Variants in ATP8A2 observed in about 807,000 individuals in gnomAD.
ATP8A2 encodes ATPase phospholipid transporting 8A2, also known as phospholipid-transporting ATPase IB.
ATP8A2 carries 100 observed loss-of-function variants against 165.6 expected under a neutral mutation model. The observed-to-expected ratio is 0.60, with a 90% CI of 0.51 to 0.71. The LOEUF is 0.71. ATP8A2 is among the 30% of genes least tolerant of loss of function. The pLI is 0.00. For missense variants in ATP8A2, 1,227 were observed against 1,479.5 expected (o/e 0.83, Z 2.80); for synonymous variants, 543 against 548.8 (o/e 0.99, Z 0.15).
At chr13:25,934,653 G>A (rs552999182) in intron 33 of ATP8A2, among the ~76,000 whole-genome samples, 64 of 152,282 alleles carry the variant, frequency 4.2e-4, no homozygotes, top group Non-Finnish European at 6.8e-4. Flanking sequence ...ACAACAAATG[G>A]TGGCTCTAGA....
intron 35 of ATP8A2, among the ~76,000 whole-genome samples, chr13:25,994,058 C>T (rs977658795): frequency 6.6e-6 from 1 of 152,036 alleles, no homozygotes; most frequent in African/African-American, 2.4e-5. Flanking sequence ...AAATGTTTTG[C>T]TCTGTTTGCG....
At chr13:25,554,527 G>GTC (rs1456683771) in intron 12 of ATP8A2, among the ~76,000 whole-genome samples, 1 of 53,946 alleles carries the variant, frequency 1.9e-5, no homozygotes. Context: ...GTGTGTGTGT[G>GTC]TATGTGTGTG....
intron 27 of ATP8A2, among the ~76,000 whole-genome samples, chr13:25,782,515 A>G (rs1038646071): frequency 1.3e-5 from 2 of 152,172 alleles, no homozygotes; most frequent in Non-Finnish European, 2.9e-5. Context: ...AGGTGAGTAC[A>G]GTCATCCCTT....
intron 1 of ATP8A2, among the ~76,000 whole-genome samples, chr13:25,407,236 T>C (rs768929896): frequency 1.9e-4 from 29 of 152,304 alleles, no homozygotes; most frequent in Non-Finnish European, 4.0e-4. Context: ...GCTGTGCAGT[T>C]TGGGGGAGGC....
Position 25,555,031 on chromosome 13 carries a change from T to C in ATP8A2, c.1226T>C (p.Met409Thr). ...TATATAGGAAATGACACTCCTGCCA[T>C]GGCCAGGACATCAAACCTTAATGAA... ...MYYIGNDTPAMARTSNLNEEL... is the reference protein window; with the variant it reads ...MYYIGNDTPATARTSNLNEEL... The change falls in exon 13 of 37, where the codon ATG becomes ACG. Residue 409 changes from methionine to threonine, a missense_variant. Met to Thr is a moderately conservative substitution (Grantham distance 81). Around this residue, in one of 5 missense-constraint regions of ATP8A2, gnomAD observed 592 missense variants for 785.6 expected, o/e 0.75. Coordinates refer to ENST00000381655, the MANE Select transcript of ATP8A2 (RefSeq NM_016529.6). The C allele has an allele frequency of 1.2e-6, 2 of 1,613,062 alleles. No homozygotes were observed. Among genetic ancestry groups the C allele is most frequent in the South Asian group, 1.1e-5 (1 of 91,020 alleles).
At chr13:25,475,676 G>A (rs921098661) in intron 2 of ATP8A2, among the ~76,000 whole-genome samples, 6 of 152,124 alleles carry the variant, frequency 3.9e-5, no homozygotes, top group South Asian at 4.1e-4. Flanking sequence ...CCTCACCAGC[G>A]TATGTTATAT....
chr13:25,890,289 A>G (rs1953319496), intron 33 of ATP8A2, among the ~76,000 whole-genome samples: 1 of 152,270 alleles, frequency 6.6e-6, no homozygotes, highest in Admixed American at 6.5e-5. Context: ...TATAGTTGCT[A>G]ACAACTCAGT....
chr13:25,527,192 T>A (rs2137882856), intron 2 of ATP8A2, among the ~76,000 whole-genome samples: 1 of 152,288 alleles, frequency 6.6e-6, no homozygotes, highest in South Asian at 2.1e-4. Context: ...AGAAACCTCA[T>A]TGTATTACAC....
At chr13:26,000,903 T>G (rs1300784264) in intron 35 of ATP8A2, among the ~76,000 whole-genome samples, 1 of 152,166 alleles carries the variant, frequency 6.6e-6, no homozygotes, top group Admixed American at 6.5e-5. Context: ...ACATTTACTA[T>G]TTTATAGTTT....
At chr13:25,865,925 G>T (rs139391431) in intron 33 of ATP8A2, among the ~76,000 whole-genome samples, 2 of 152,028 alleles carry the variant, frequency 1.3e-5, no homozygotes, top group East Asian at 3.9e-4. Context: ...TTTTTTTTCC[G>T]TGGGGGACCA....
intron 24 of ATP8A2, among the ~76,000 whole-genome samples, chr13:25,636,354 AAGTTTTAACAACT>A (rs2041367780): frequency 6.6e-6 from 1 of 152,156 alleles, no homozygotes; most frequent in Non-Finnish European, 1.5e-5. Context: ...CTATGCTACT[AAGTTTTAACAACT>A]ACTTTTAGTT....
At chr13:25,945,022 C>T (rs1955174213) in intron 33 of ATP8A2, among the ~76,000 whole-genome samples, 1 of 152,080 alleles carries the variant, frequency 6.6e-6, no homozygotes, top group African/African-American at 2.4e-5. Flanking sequence ...GAGAGGGGAG[C>T]CTGAAACCAA....
At chr13:25,631,167 G>A (rs2041231650) in intron 24 of ATP8A2, among the ~76,000 whole-genome samples, 1 of 152,108 alleles carries the variant, frequency 6.6e-6, no homozygotes, top group Non-Finnish European at 1.5e-5. Flanking sequence ...GTTTTTGCAG[G>A]GAGAAAAACT....
chr13:25,864,905 T>C (rs540290222), intron 33 of ATP8A2, among the ~76,000 whole-genome samples: 9 of 152,348 alleles, frequency 5.9e-5, no homozygotes, highest in Admixed American at 3.3e-4. Context: ...TGTGTAACTT[T>C]AGTGTCACAG....
chr13:25,438,383 C>T (rs901165605), intron 1 of ATP8A2, among the ~76,000 whole-genome samples: 4 of 152,192 alleles, frequency 2.6e-5, no homozygotes, highest in Non-Finnish European at 2.9e-5. Context: ...ATGGCTCACT[C>T]TTGCAATCCC....
chr13:25,425,941 G>T (rs1012940910), intron 1 of ATP8A2, among the ~76,000 whole-genome samples: 6 of 152,192 alleles, frequency 3.9e-5, no homozygotes, highest in Admixed American at 3.9e-4. Context: ...TAGCTTGATA[G>T]CTCAGTCTTT....
At chr13:25,690,412 A>G (rs540966594) in intron 24 of ATP8A2, among the ~76,000 whole-genome samples, 2 of 152,060 alleles carry the variant, frequency 1.3e-5, no homozygotes, top group African/African-American at 2.4e-5. Flanking sequence ...GAAAGGAAGA[A>G]ACTAAAATTA....
At chr13:25,563,890 T>C (rs1390085030) in intron 15 of ATP8A2, 66 bp from the exon 16 acceptor site, 2 of 1,139,022 alleles carry the variant, frequency 1.8e-6, no homozygotes, top group South Asian at 1.3e-5. Context: ...GCAGATTCTT[T>C]CCAGGTTTGG....
At chr13:25,740,094 G>T (rs2138140740) in intron 25 of ATP8A2, among the ~76,000 whole-genome samples, 1 of 152,246 alleles carries the variant, frequency 6.6e-6, no homozygotes, top group East Asian at 1.9e-4. Context: ...CGGATCACAA[G>T]GTCAGGAGAT....
Sources: allele counts gnomAD v4.1 joint callset (sites outside exome capture counted in the v4.1 genomes callset), GRCh38; gene constraint gnomAD v4.1.1; regional missense constraint gnomAD v4.1.1; transcripts MANE v1.5; gene names NCBI Gene and HGNC (gene_info 2026-07-23, HGNC 2026-07-21).